GUCY1A1: variants seen among roughly 807,000 people sequenced by gnomAD.
GUCY1A1 encodes the protein guanylate cyclase 1 soluble subunit alpha 1.
In GUCY1A1, 48 loss-of-function variants were observed where a neutral mutation model predicts 64.5. That is an observed-to-expected ratio of 0.74 (90% CI 0.59 to 0.95). GUCY1A1 has a LOEUF of 0.95. Among genes scored for constraint, GUCY1A1 ranks in the 40% least tolerant of loss-of-function variants. The pLI, the probability that GUCY1A1 is intolerant of heterozygous loss-of-function variation, is 0.00. For missense variants in GUCY1A1, 804 were observed against 825.3 expected, an observed-to-expected ratio of 0.97 and a Z score of 0.32; for synonymous variants, 308 against 303.4, an observed-to-expected ratio of 1.02 and a Z score of -0.16.
rs1268850490 is a variant in GUCY1A1, at chr4:155,734,641, G to A, written c.*4410G>A. ...ATGGAGAACACAGCATATATGAGAG[G>A]TGGGAGGGCAGAGACGCCTTGCGAT... On this transcript the variant is annotated 3_prime_UTR_variant, in exon 10 of 10. Transcript: ENST00000506455. 2 of 151,954 alleles carry A rather than the reference G, an allele frequency of 1.3e-5. No individual in the cohort carries two copies. Among genetic ancestry groups the A allele is most frequent in the Non-Finnish European group, 2.9e-5 (2 of 67,934 alleles). 9.4% of individuals were successfully genotyped at this position (151,954 alleles called of 1,614,324 possible).
chr4:155,711,467 G>A (rs1732564170), intron 6 of GUCY1A1: 3 of 380,360 alleles, frequency 7.9e-6, no homozygotes, highest in Non-Finnish European at 9.4e-6. Context: ...TTTATTGAAT[G>A]CAGTCTGCCT....
intron 9 of GUCY1A1, among the ~76,000 whole-genome samples, chr4:155,728,365 T>C (rs1735034296): frequency 6.6e-6 from 1 of 151,806 alleles, no homozygotes; most frequent in Non-Finnish European, 1.5e-5. Flanking sequence ...CAATTGGCTC[T>C]CACAAGCCAG....
chr4:155,697,355 C>T (rs1730552558), intron 3 of GUCY1A1, among the ~76,000 whole-genome samples: 1 of 152,116 alleles, frequency 6.6e-6, no homozygotes, highest in Non-Finnish European at 1.5e-5. Context: ...TGCAGTCTGA[C>T]AAACTTTATG....
At chr4:155,683,678 G>T (rs552834495) in intron 2 of GUCY1A1, among the ~76,000 whole-genome samples, 2 of 152,266 alleles carry the variant, frequency 1.3e-5, no homozygotes, top group African/African-American at 4.8e-5. Flanking sequence ...AGAGTCTGGG[G>T]CAACATTTTA....
At chr4:155,713,609 G>A (rs771908363) in intron 7 of GUCY1A1, 26 bp downstream of exon 7, 1 of 1,600,638 alleles carries the variant, frequency 6.2e-7, no homozygotes, top group Admixed American at 1.7e-5. Flanking sequence ...GGAAATAATT[G>A]TTTTACCAGC....
rs138197891 is a variant in GUCY1A1 at position 155,734,121 on chromosome 4, G to A, written c.*3890G>A. Among the ~76,000 whole-genome samples the A allele has an allele frequency of 7.2e-5, 11 of 152,010 alleles. No homozygotes were observed. The highest frequency in any genetic ancestry group is 2.2e-4 in the African/African-American group (9 of 41,514). On this transcript the variant is annotated 3_prime_UTR_variant, in exon 10 of 10. Coordinates refer to ENST00000506455, the MANE Select transcript of GUCY1A1 (RefSeq NM_001130682.3). ...CAAAGACTTCCCAGCTCTGTCTCAG[G>A]TTAGGTTAAAAGAAGGCATAGGATG...
rs373947305 is a variant in GUCY1A1, at chr4:155,674,121, C to T, written c.-113+6702C>T. On this transcript the variant is annotated intron_variant, in intron 2 of 9. Coordinates refer to ENST00000506455, the MANE Select transcript of GUCY1A1 (RefSeq NM_001130682.3). Reference sequence around the variant, plus strand: ...CTGTAATCCCAGCACTTTGGGAGGCCGAGGCGGGTAGATCACAAGGTCAGG... The same window carrying T: ...CTGTAATCCCAGCACTTTGGGAGGCTGAGGCGGGTAGATCACAAGGTCAGG... 2.3e-4 allele frequency among the ~76,000 whole-genome samples: 34 copies of T among 150,940 alleles called. 2 individuals are homozygous for T. Among genetic ancestry groups the T allele is most frequent in the African/African-American group, 6.9e-4 (28 of 40,572 alleles).
chr4:155,716,036 AC>A (rs1429629713), intron 7 of GUCY1A1, among the ~76,000 whole-genome samples: 1 of 152,164 alleles, frequency 6.6e-6, no homozygotes, highest in Non-Finnish European at 1.5e-5. Flanking sequence ...AGGGACAACC[AC>A]GTGGTTATCT....
chr4:155,719,743 C>A (rs1399409554), intron 8 of GUCY1A1, among the ~76,000 whole-genome samples: 2 of 152,034 alleles, frequency 1.3e-5, no homozygotes, highest in Admixed American at 1.3e-4. Context: ...TGAGTGTAAC[C>A]GTGAAAGTCA....
intron 2 of GUCY1A1, among the ~76,000 whole-genome samples, chr4:155,689,162 A>G (rs942190707): frequency 2.4e-4 from 37 of 151,678 alleles, no homozygotes; most frequent in African/African-American, 8.2e-4. Context: ...GAAAACAGAT[A>G]AAAACAAAAT....
intron 4 of GUCY1A1, among the ~76,000 whole-genome samples, chr4:155,705,539 CAAAAA>C (rs35914312): frequency 1.2e-5 from 1 of 82,062 alleles, no homozygotes; most frequent in African/African-American, 5.6e-5. Flanking sequence ...GACTCCATCT[CAAAAA>C]AAAAAAAAAA....
intron 3 of GUCY1A1, among the ~76,000 whole-genome samples, chr4:155,699,055 G>T (rs1730763296): frequency 6.6e-6 from 1 of 151,446 alleles, no homozygotes; most frequent in African/African-American, 2.4e-5. Flanking sequence ...TTTCTTTAGG[G>T]CTGGTTACTG....
intron 3 of GUCY1A1, among the ~76,000 whole-genome samples, chr4:155,698,522 G>A (rs751155918): frequency 1.9e-4 from 29 of 152,112 alleles, no homozygotes; most frequent in Non-Finnish European, 3.1e-4. Context: ...TTGCTTCTAT[G>A]TTTTCCCTGA....
chr4:155,704,860 G>A (rs1456191874), intron 4 of GUCY1A1, among the ~76,000 whole-genome samples: 2 of 151,984 alleles, frequency 1.3e-5, no homozygotes, highest in African/African-American at 4.8e-5. Context: ...GAGATTAAGG[G>A]CATGGACCTA....
At chr4:155,725,822 G>A (rs190055624) in intron 9 of GUCY1A1, among the ~76,000 whole-genome samples, 4 of 152,010 alleles carry the variant, frequency 2.6e-5, no homozygotes, top group Non-Finnish European at 5.9e-5. Context: ...TAGATTCACT[G>A]TATTGGCAAT....
At chr4:155,677,029 G>A (rs1289366160) in intron 2 of GUCY1A1, among the ~76,000 whole-genome samples, 1 of 151,374 alleles carries the variant, frequency 6.6e-6, no homozygotes, top group African/African-American at 2.5e-5. Context: ...AAGTCTGTCC[G>A]CCCCAACCTT....
intron 2 of GUCY1A1, among the ~76,000 whole-genome samples, chr4:155,688,151 C>A (rs900684871): frequency 6.6e-6 from 1 of 152,004 alleles, no homozygotes; most frequent in African/African-American, 2.4e-5. Context: ...TGGCGTGAAC[C>A]CGGGAGGTGG....
chr4:155,712,980 T>A, intron 6 of GUCY1A1, 118 bp from the exon 7 acceptor site: 1 of 807,524 alleles, frequency 1.2e-6, no homozygotes, highest in Non-Finnish European at 2.0e-6. Context: ...AGCAAATTGT[T>A]CCTTTTCAGC....
At chr4:155,707,233 TAC>T (rs1731899612) in intron 4 of GUCY1A1, among the ~76,000 whole-genome samples, 1 of 152,204 alleles carries the variant, frequency 6.6e-6, no homozygotes, top group Non-Finnish European at 1.5e-5. Flanking sequence ...TTCTCCTGAG[TAC>T]AGAGTCTCCT....
Sources: allele counts gnomAD v4.1 joint callset (sites outside exome capture counted in the v4.1 genomes callset), GRCh38; gene constraint gnomAD v4.1.1; transcripts MANE v1.5; gene names NCBI Gene and HGNC (gene_info 2026-07-23, HGNC 2026-07-21).